The following CBFA2T2 variants were observed in gnomAD, a reference collection of about 807,000 sequenced individuals.
CBFA2T2 encodes the protein protein CBFA2T2.
In CBFA2T2, 11 loss-of-function variants were observed where a neutral mutation model predicts 62.2. The observed-to-expected ratio is 0.18, with a 90% CI of 0.11 to 0.29. The LOEUF (loss-of-function observed/expected upper bound fraction) is 0.29, where lower values mean the gene tolerates loss of function less well. CBFA2T2 is among the 10% of genes least tolerant of loss of function. CBFA2T2 has a pLI of 1.00. For missense variants in CBFA2T2, 592 were observed against 774.1 expected, an observed-to-expected ratio of 0.76 and a Z score of 2.79; for synonymous variants, 295 against 287.5, an observed-to-expected ratio of 1.03 and a Z score of -0.27.
intron 7 of CBFA2T2, among the ~76,000 whole-genome samples, chr20:33,629,245 C>G (rs552531894): frequency 2.8e-4 from 42 of 152,340 alleles, no homozygotes; most frequent in Admixed American, 2.3e-3. Context: ...TAACAAACTT[C>G]TAGGTAATTC....
chr20:33,606,174 A>G (rs1484506934), intron 1 of CBFA2T2, among the ~76,000 whole-genome samples: 2 of 152,178 alleles, frequency 1.3e-5, no homozygotes, highest in Non-Finnish European at 2.9e-5. Flanking sequence ...CTTGCAGTTG[A>G]GGCCTAAGTC....
At chr20:33,604,063 C>T (rs1216447969) in intron 1 of CBFA2T2, among the ~76,000 whole-genome samples, 2 of 152,184 alleles carry the variant, frequency 1.3e-5, no homozygotes, top group East Asian at 3.9e-4. Flanking sequence ...TGCCACTTTA[C>T]ATTGTGCTTG....
In CBFA2T2 at chr20:33,493,038, C is replaced by CCTCTGCA. The variant is rs1225818078; in HGVS notation, c.34+2739_34+2745dup. 2.0e-5 allele frequency among the ~76,000 whole-genome samples: 3 copies of CCTCTGCA among 149,784 alleles called. No individual in the cohort carries two copies. In the East Asian group the frequency reaches 5.9e-4, roughly 30 times the overall value. On this transcript the variant is annotated intron_variant, in intron 1 of 10. Transcript: ENST00000342704. Reference sequence around the variant, plus strand: ...AAAGTTCTGGGATTACAAGTGTGAGCCTCTGCACCCGCCCTTGATTGAAGT... The same window carrying CCTCTGCA: ...AAAGTTCTGGGATTACAAGTGTGAGCCTCTGCACTCTGCACCCGCCCTTGATTGAAGT...
intron 9 of CBFA2T2, among the ~76,000 whole-genome samples, chr20:33,639,951 C>T (rs2016770512): frequency 6.6e-6 from 1 of 152,152 alleles, no homozygotes; most frequent in South Asian, 2.1e-4. Context: ...TGCAAAATCT[C>T]ATTTCCATCT....
At position 33,607,119 on chromosome 20, in the gene CBFA2T2, T is replaced by A; in HGVS notation, c.178+20T>A. 1 of 1,608,664 alleles carries A rather than the reference T, an allele frequency of 6.2e-7. No homozygotes were observed. Among genetic ancestry groups the A allele is most frequent in the South Asian group, 1.1e-5 (1 of 90,576 alleles). On this transcript the variant is annotated intron_variant, in intron 2 of 10. Coordinates refer to ENST00000342704, the MANE Select transcript of CBFA2T2 (RefSeq NM_001032999.3). Reference sequence around the variant, plus strand: ...CTGCATGTGAGACCTCTTAGTTACTTATGTTTGTAGTTCAGAGTGACATTT... The same window carrying A: ...CTGCATGTGAGACCTCTTAGTTACTAATGTTTGTAGTTCAGAGTGACATTT...
chr20:33,574,323 C>T lies in CBFA2T2; in HGVS notation c.35-32633C>T, dbSNP rs1218967624. ...TTTAATAACAGAAATATACTCTTCC[C>T]TAGAAACAATTTGCTTTAAAGGCCA... On this transcript the variant is annotated intron_variant, in intron 1 of 10. Coordinates refer to ENST00000342704, the MANE Select transcript of CBFA2T2 (RefSeq NM_001032999.3). The T allele has an allele frequency of 2.0e-6, 3 of 1,522,896 alleles. No homozygotes were observed. In the African/African-American group the frequency reaches 4.1e-5, roughly 21 times the overall value. The allele number at this position is 1,522,896 out of a possible 1,614,324, so 94.3% of individuals were successfully genotyped here.
chr20:33,586,736 G>A (rs79521234), intron 1 of CBFA2T2, among the ~76,000 whole-genome samples: 5,700 of 152,114 alleles, frequency 0.037, 161 homozygotes, highest in Admixed American at 0.079. Context: ...TCTGAATTAG[G>A]GAAAAGTCCT....
chr20:33,553,750 C>T (rs1453223845), intron 1 of CBFA2T2, among the ~76,000 whole-genome samples: 2 of 152,202 alleles, frequency 1.3e-5, no homozygotes, highest in Non-Finnish European at 2.9e-5. Context: ...ATCCCCTGAT[C>T]TTGTTGGACT....
At chr20:33,603,421 G>T (rs2015217024) in intron 1 of CBFA2T2, among the ~76,000 whole-genome samples, 1 of 152,122 alleles carries the variant, frequency 6.6e-6, no homozygotes, top group African/African-American at 2.4e-5. Flanking sequence ...TGAACCATAA[G>T]TCATTTTGGA....
Position 33,514,206 on chromosome 20 carries a change from G to GTTT in CBFA2T2, c.34+23929_34+23931dup, listed in dbSNP as rs1196003433. Among the ~76,000 whole-genome samples the GTTT allele has an allele frequency of 7.0e-3, 374 of 53,352 alleles. 95 individuals carry two copies. Among genetic ancestry groups the GTTT allele is most frequent in the Middle Eastern group, 0.029 (2 of 68 alleles). The allele number at this position is 53,352 out of a possible 152,430, so 35.0% of individuals were successfully genotyped here. A position where few individuals can be genotyped will look rare whatever the true frequency, so the allele number is the denominator to read the frequency against. On this transcript the variant is annotated intron_variant, in intron 1 of 10. Coordinates refer to ENST00000342704, the MANE Select transcript of CBFA2T2 (RefSeq NM_001032999.3). The stretch of plus-strand genomic sequence containing the variant: ...GCGTGAGCCACCGTGCCCTGCCTTT[G>GTTT]TTTTTTTTTTTTTTTTTTTTTTTTT...
chr20:33,589,641 A>G (rs1286665372), intron 1 of CBFA2T2, among the ~76,000 whole-genome samples: 3 of 152,154 alleles, frequency 2.0e-5, no homozygotes, highest in African/African-American at 7.2e-5. Context: ...ATATTGAATG[A>G]TTGCTGTAAA....
At chr20:33,599,105 C>A (rs2015013887) in intron 1 of CBFA2T2, among the ~76,000 whole-genome samples, 1 of 152,056 alleles carries the variant, frequency 6.6e-6, no homozygotes, top group South Asian at 2.1e-4. Flanking sequence ...TACTAAAATA[C>A]AAAAAAATTA....
At chr20:33,568,901 A>G (rs1243258557) in intron 1 of CBFA2T2, among the ~76,000 whole-genome samples, 1 of 152,214 alleles carries the variant, frequency 6.6e-6, no homozygotes, top group Non-Finnish European at 1.5e-5. Flanking sequence ...AGTTGGCGCT[A>G]CAACTGTGAT....
At chr20:33,554,600 C>CTTTTTTTTTTTTTT (rs752877501) in intron 1 of CBFA2T2, among the ~76,000 whole-genome samples, 5 of 56,282 alleles carry the variant, frequency 8.9e-5, no homozygotes, top group Admixed American at 2.2e-4. Context: ...TTTTTCTTTT[C>CTTTTTTTTTTTTTT]TTTTTTTTTT....
rs1194239885 is a variant in CBFA2T2, at chr20:33,490,228, G to C, written c.-40G>C. 6 of 1,222,952 alleles carry C rather than the reference G, an allele frequency of 4.9e-6. No individual in the cohort carries two copies. The highest frequency in any genetic ancestry group is 1.6e-5 in the African/African-American group (1 of 63,468). 75.8% of individuals were successfully genotyped at this position (1,222,952 alleles called of 1,614,324 possible). ...GCGGCGCCTGCGAGGGACCCGTGTC[G>C]CGGGTAGAGGCGGGCGGCGCGCGGC... On this transcript the variant is annotated 5_prime_UTR_variant, in exon 1 of 11. Transcript: ENST00000342704.
chr20:33,638,499 G>C (rs71349727), intron 9 of CBFA2T2, among the ~76,000 whole-genome samples: 57 of 152,264 alleles, frequency 3.7e-4, no homozygotes, highest in Non-Finnish European at 6.9e-4. Flanking sequence ...ATGTACCTAA[G>C]AGCATTGTTA....
At chr20:33,493,736 G>C (rs1460716227) in intron 1 of CBFA2T2, among the ~76,000 whole-genome samples, 3 of 151,534 alleles carry the variant, frequency 2.0e-5, no homozygotes, top group Non-Finnish European at 2.9e-5. Flanking sequence ...CTGCTGGGCT[G>C]CAGCGATCCT....
At chr20:33,556,545 T>C (rs2012901321) in intron 1 of CBFA2T2, among the ~76,000 whole-genome samples, 1 of 152,210 alleles carries the variant, frequency 6.6e-6, no homozygotes, top group Admixed American at 6.5e-5. Flanking sequence ...TGTTTTTCAT[T>C]AGTTTTCTAT....
At chr20:33,506,102 T>TAAA (rs1171552783) in intron 1 of CBFA2T2, among the ~76,000 whole-genome samples, 1 of 151,070 alleles carries the variant, frequency 6.6e-6, no homozygotes, top group Non-Finnish European at 1.5e-5. Context: ...AAAATAAAAA[T>TAAA]AAAAAAAGAA....
Sources: gnomAD v4.1 joint callset for allele counts (sites outside exome capture counted in the v4.1 genomes callset) on GRCh38, gnomAD v4.1.1 for gene constraint, MANE v1.5 for transcripts, NCBI Gene and HGNC (gene_info 2026-07-23, HGNC 2026-07-21) for gene names.